Variants in CALN1 observed in about 807,000 individuals in gnomAD.
CALN1 encodes calneuron 1.
CALN1 carries 17 observed loss-of-function variants against 30.6 expected under a neutral mutation model. The observed-to-expected ratio is 0.56, with a 90% CI of 0.38 to 0.83. The LOEUF is 0.83. CALN1 is among the 40% of genes least tolerant of loss of function. CALN1 has a pLI of 0.00. For synonymous variants in CALN1, 156 were observed against 131.4 expected (o/e 1.19, Z -1.28); for missense variants, 291 against 354.9 (o/e 0.82, Z 1.45).
intron 4 of CALN1, among the ~76,000 whole-genome samples, chr7:72,076,869 C>T (rs892287399): frequency 3.3e-5 from 5 of 152,192 alleles, no homozygotes; most frequent in East Asian, 1.9e-4. Context: ...GAAAACACAT[C>T]GTTCTAAGTG....
intron 5 of CALN1, among the ~76,000 whole-genome samples, chr7:72,011,929 C>A (rs976749968): frequency 6.6e-6 from 1 of 152,192 alleles, no homozygotes; most frequent in African/African-American, 2.4e-5. Flanking sequence ...TCACCATACT[C>A]AGCCCATTTA....
At chr7:71,788,666 A>T (rs1022122471) in intron 6 of CALN1, among the ~76,000 whole-genome samples, 4 of 148,258 alleles carry the variant, frequency 2.7e-5, no homozygotes, top group African/African-American at 7.5e-5. Context: ...AATTATTATT[A>T]TTTTTTTTGA....
intron 2 of CALN1, among the ~76,000 whole-genome samples, chr7:72,312,580 A>G (rs1209600342): frequency 1.3e-5 from 2 of 152,050 alleles, no homozygotes; most frequent in East Asian, 1.9e-4. Flanking sequence ...GTGCTAGGAG[A>G]TATTTTTTCT....
At chr7:71,829,597 A>C (rs1274302004) in intron 5 of CALN1, among the ~76,000 whole-genome samples, 2 of 152,222 alleles carry the variant, frequency 1.3e-5, no homozygotes, top group Non-Finnish European at 2.9e-5. Context: ...ATCTGGACAC[A>C]GGGTAGGCTG....
intron 5 of CALN1, among the ~76,000 whole-genome samples, chr7:71,880,520 TA>T: frequency 6.6e-6 from 1 of 152,126 alleles, no homozygotes; most frequent in South Asian, 2.1e-4. Flanking sequence ...CTTCTATGTT[TA>T]GGGGATCCTA....
At chr7:72,014,224 C>T (rs369934079) in intron 5 of CALN1, among the ~76,000 whole-genome samples, 2 of 151,720 alleles carry the variant, frequency 1.3e-5, no homozygotes, top group South Asian at 2.1e-4. Flanking sequence ...GTAGCTGGGA[C>T]TACAGATGTG....
At chr7:71,795,766 T>C (rs1786863442) in intron 6 of CALN1, among the ~76,000 whole-genome samples, 1 of 151,772 alleles carries the variant, frequency 6.6e-6, no homozygotes, top group Non-Finnish European at 1.5e-5. Flanking sequence ...TTTAGCATAA[T>C]TTTTCAAGGT....
At position 71,931,602 on chromosome 7, in the gene CALN1, G is replaced by T. The variant is rs535438063; in HGVS notation, c.501+92055C>A. 2.0e-5 allele frequency among the ~76,000 whole-genome samples: 3 copies of T among 152,342 alleles called. No individual in the cohort carries two copies. The South Asian group carries it at 6.2e-4, about 32-fold the overall frequency. On this transcript the variant is annotated intron_variant, in intron 5 of 6. Transcript: ENST00000395275. The stretch of plus-strand genomic sequence containing the variant: ...GTTTTCTTGGGCCCTACGAAAACAG[G>T]TAGTGAGTTAGATTTGGCTGATGGA...
chr7:72,336,200 C>T (rs1167483608), intron 2 of CALN1, among the ~76,000 whole-genome samples: 1 of 152,070 alleles, frequency 6.6e-6, no homozygotes, highest in Non-Finnish European at 1.5e-5. Flanking sequence ...GAGAACCCTG[C>T]CTCCCGCCTC....
At chr7:71,861,350 T>G (rs1391997681) in intron 5 of CALN1, among the ~76,000 whole-genome samples, 5 of 152,208 alleles carry the variant, frequency 3.3e-5, no homozygotes, top group African/African-American at 7.2e-5. Flanking sequence ...AATTGGTCTC[T>G]TCACTTAACT....
chr7:72,091,841 T>C (rs1387152152), intron 4 of CALN1, among the ~76,000 whole-genome samples: 1 of 152,218 alleles, frequency 6.6e-6, no homozygotes, highest in East Asian at 1.9e-4. Flanking sequence ...AAATGTATAT[T>C]TTTAATGTGA....
intron 2 of CALN1, among the ~76,000 whole-genome samples, chr7:72,330,336 T>C (rs1394109714): frequency 1.3e-5 from 2 of 151,550 alleles, no homozygotes; most frequent in Non-Finnish European, 2.9e-5. Flanking sequence ...GGTGTGGTGG[T>C]GTACGTCTGT....
chr7:72,409,651 G>A (rs972036897), intron 1 of CALN1, among the ~76,000 whole-genome samples: 2 of 152,106 alleles, frequency 1.3e-5, no homozygotes, highest in African/African-American at 4.8e-5. Flanking sequence ...AGATTGAGCT[G>A]AAAATCTAAT....
intron 5 of CALN1, among the ~76,000 whole-genome samples, chr7:71,892,501 G>A (rs992097221): frequency 1.1e-4 from 16 of 152,282 alleles, no homozygotes; most frequent in Non-Finnish European, 2.1e-4. Flanking sequence ...AGCCAGGAAT[G>A]GTGGTGCCCA....
chr7:72,339,632 A>C (rs1284552367), intron 2 of CALN1, among the ~76,000 whole-genome samples: 1 of 152,196 alleles, frequency 6.6e-6, no homozygotes, highest in Non-Finnish European at 1.5e-5. Context: ...CATACCTAAG[A>C]CTGGGTAATA....
intron 3 of CALN1, among the ~76,000 whole-genome samples, chr7:72,194,148 G>A (rs1247831756): frequency 2.0e-5 from 3 of 152,234 alleles, no homozygotes; most frequent in Non-Finnish European, 4.4e-5. Flanking sequence ...AATCACCATT[G>A]TTTATGCAGT....
upstream of CALN1, among the ~76,000 whole-genome samples, chr7:72,416,749 A>C (rs1251602096): frequency 7.9e-5 from 12 of 151,144 alleles, no homozygotes; most frequent in African/African-American, 2.4e-4. Flanking sequence ...AAAAAAAAAA[A>C]AAAAAAAAAA....
chr7:71,829,048 T>C (rs1789103938), intron 5 of CALN1, among the ~76,000 whole-genome samples: 1 of 151,960 alleles, frequency 6.6e-6, no homozygotes, highest in Admixed American at 6.6e-5. Flanking sequence ...CCCGGCCACA[T>C]ATATTGATTG....
At chr7:72,168,499 A>G (rs1332630193) in intron 3 of CALN1, among the ~76,000 whole-genome samples, 2 of 152,184 alleles carry the variant, frequency 1.3e-5, no homozygotes, top group East Asian at 1.9e-4. Context: ...AAATGCACCA[A>G]GCAAAATTCC....
Sources: gnomAD v4.1 joint callset for allele counts (sites outside exome capture counted in the v4.1 genomes callset) on GRCh38, gnomAD v4.1.1 for gene constraint, MANE v1.5 for transcripts, NCBI Gene and HGNC (gene_info 2026-07-23, HGNC 2026-07-21) for gene names.